Variants in DUXA observed in about 807,000 individuals in gnomAD.
DUXA encodes double homeobox protein A.
A neutral mutation model predicts 27.5 loss-of-function variants in DUXA; 25 were observed. That is an observed-to-expected ratio of 0.91 (90% CI 0.66 to 1.27). The LOEUF (loss-of-function observed/expected upper bound fraction) is 1.27, where lower values mean the gene tolerates loss of function less well. DUXA is among the 50% of genes most tolerant of loss of function. The probability of loss-of-function intolerance (pLI) is 0.00; values close to 1 mark genes in which losing one functional copy is unlikely to be tolerated. For missense variants in DUXA, 247 were observed against 242.9 expected (o/e 1.02, Z -0.11); for synonymous variants, 90 against 80.5 (o/e 1.12, Z -0.63).
chr19:57,163,751 G>A (rs1408497079), intron 1 of DUXA, among the ~76,000 whole-genome samples: 2 of 152,002 alleles, frequency 1.3e-5, no homozygotes, highest in South Asian at 2.1e-4. Context: ...TTGTTTAAAG[G>A]GTAGTTGTCA....
chr19:57,157,665 G>A (rs1829706229), intron 4 of DUXA, among the ~76,000 whole-genome samples: 1 of 151,710 alleles, frequency 6.6e-6, no homozygotes, highest in African/African-American at 2.4e-5. Flanking sequence ...GGCATAATTA[G>A]AAGATCTGAA....
At chr19:57,166,611 ATAATT>A (rs2087056475) in intron 1 of DUXA, among the ~76,000 whole-genome samples, 1 of 152,204 alleles carries the variant, frequency 6.6e-6, no homozygotes, top group African/African-American at 2.4e-5. Flanking sequence ...CCCGGCCGCC[ATAATT>A]TAATTAACAG....
intron 4 of DUXA, among the ~76,000 whole-genome samples, chr19:57,155,646 A>AAGATAGATAGATAGATAGAT (rs35512413): frequency 0.32 from 45,797 of 143,822 alleles, 7,834 homozygotes; most frequent in South Asian, 0.4. Context: ...TGCCCAACCC[A>AAGATAGATAGATAGATAGAT]AGATAGATAG....
chr19:57,158,279 G>A (rs199898898), intron 4 of DUXA, 49 bp downstream of exon 4: 70 of 1,601,048 alleles, frequency 4.4e-5, no homozygotes, highest in Non-Finnish European at 5.9e-5. Context: ...TTCCCTTCCT[G>A]TATACCTAGA....
In DUXA at chr19:57,154,419, G is replaced by A. The variant is rs754871250; in HGVS notation, c.608C>T (p.Thr203Met). 4.3e-6 allele frequency: 7 copies of A among 1,613,512 alleles called. No individual in the cohort carries two copies. The highest frequency in any genetic ancestry group is 2.2e-5 in the East Asian group (1 of 44,844). The change falls in exon 6 of 6, where the codon ACG (threonine) becomes ATG (methionine). Residue 203 changes from threonine (T) to methionine (M), a missense_variant. Transcript: ENST00000554048. Reference protein sequence around the residue: ...TSDSHFSGARTW With the variant: ...TSDSHFSGARMW ...CACTGAATTTGACTGTGTTCACCAC[G>A]TTCTGGCTCCAGAGAAATGAGAGTC...
chr19:57,166,592 G>A (rs192611921), intron 1 of DUXA, among the ~76,000 whole-genome samples: 16 of 152,230 alleles, frequency 1.1e-4, no homozygotes, highest in African/African-American at 3.6e-4. Flanking sequence ...ACAGGCGTGA[G>A]CCACGGCGCC....
At chr19:57,165,719 G>GGCATGAACCCGGGAGGCAGAGCTT (rs1467830799) in intron 1 of DUXA, among the ~76,000 whole-genome samples, 17 of 150,038 alleles carry the variant, frequency 1.1e-4, no homozygotes, top group African/African-American at 4.2e-4. Flanking sequence ...GCAGGAGAAT[G>GGCATGAACCCGGGAGGCAGAGCTT]GCATGAACCC....
chr19:57,165,590 T>G (rs570838738), intron 1 of DUXA, among the ~76,000 whole-genome samples: 46 of 151,178 alleles, frequency 3.0e-4, no homozygotes, highest in South Asian at 2.9e-3. Context: ...CAGATCACGA[T>G]GTCAGGAGAT....
chr19:57,166,204 G>A (rs2087053731), intron 1 of DUXA, among the ~76,000 whole-genome samples: 1 of 152,162 alleles, frequency 6.6e-6, no homozygotes, highest in East Asian at 1.9e-4. Flanking sequence ...AAGCAGACGA[G>A]GTCACAGACC....
intron 5 of DUXA, 144 bp from the exon 6 acceptor site, chr19:57,154,626 C>G (rs112458466): frequency 3.9e-4 from 223 of 575,306 alleles, no homozygotes; most frequent in African/African-American, 3.9e-4. Flanking sequence ...TGCGGTGGCG[C>G]GATCTCGGCT....
chr19:57,165,309 GAAAAAAAAA>G (rs71186231), intron 1 of DUXA, among the ~76,000 whole-genome samples: 16 of 116,414 alleles, frequency 1.4e-4, no homozygotes, highest in Non-Finnish European at 2.1e-4. Flanking sequence ...TCTGGAGTAG[GAAAAAAAAA>G]AAAAAAATAT....
intron 5 of DUXA, 45 bp from the exon 6 acceptor site, chr19:57,154,527 T>G: frequency 6.7e-7 from 1 of 1,485,582 alleles, no homozygotes; most frequent in South Asian, 1.1e-5. Flanking sequence ...GAGATCAGCT[T>G]ATATTCACAA....
At chr19:57,166,301 T>TAATGTATG (rs1555759894) in intron 1 of DUXA, among the ~76,000 whole-genome samples, 42 of 152,074 alleles carry the variant, frequency 2.8e-4, no homozygotes, top group Non-Finnish European at 5.4e-4. Flanking sequence ...ATAATTTAAT[T>TAATGTATG]TATGTATGTA....
intron 3 of DUXA, 35 bp downstream of exon 3, chr19:57,159,132 C>T: frequency 6.4e-7 from 1 of 1,570,362 alleles, no homozygotes; most frequent in Non-Finnish European, 8.7e-7. Flanking sequence ...CGTAGAGAAG[C>T]TCTGCTGGGG....
At chr19:57,160,597 C>T in intron 2 of DUXA, 46 bp downstream of exon 2, 1 of 1,602,914 alleles carries the variant, frequency 6.2e-7, no homozygotes, top group Non-Finnish European at 8.5e-7. Flanking sequence ...GGTTCTCTCT[C>T]CTGCCTTTTT....
intron 4 of DUXA, among the ~76,000 whole-genome samples, chr19:57,155,948 C>T (rs1237699088): frequency 3.3e-5 from 5 of 152,154 alleles, no homozygotes; most frequent in African/African-American, 7.2e-5. Flanking sequence ...GCATTACAGG[C>T]GTGAGCCACC....
chr19:57,158,497 A>AG lies in DUXA; in HGVS notation c.293-25dup, dbSNP rs746244463. ...ACCTAGGGAAGGCATGGAAAGATGG[A>AG]GGGGGGCGGTCAAGGAATATTGCAA... On this transcript the variant is annotated intron_variant, in intron 3 of 5. Coordinates refer to ENST00000554048, the MANE Select transcript of DUXA (RefSeq NM_001012729.2). The AG allele has an allele frequency of 2.6e-5, 42 of 1,607,146 alleles. 2 individuals carry two copies. In the Middle Eastern group the frequency reaches 9.9e-4, roughly 38 times the overall value.
chr19:57,156,304 C>A lies in DUXA; in HGVS notation c.439-932G>T, dbSNP rs182744992. On this transcript the variant is annotated intron_variant, in intron 4 of 5. Transcript: ENST00000554048. The stretch of plus-strand genomic sequence containing the variant: ...CTTCTTTGTGCCCATAGATTATACA[C>A]ATAGGCATGTAAAACTTATGCATAT... Among the ~76,000 whole-genome samples the A allele has an allele frequency of 1.4e-3, 207 of 152,330 alleles. 2 individuals are homozygous for A. The highest frequency in any genetic ancestry group is 4.6e-3 in the African/African-American group (192 of 41,572).
intron 4 of DUXA, among the ~76,000 whole-genome samples, chr19:57,157,843 T>C (rs1394665372): frequency 6.6e-6 from 1 of 151,676 alleles, no homozygotes; most frequent in Non-Finnish European, 1.5e-5. Context: ...ATACAAAAAA[T>C]ATTAGCCAGG....
Sources: allele counts gnomAD v4.1 joint callset (sites outside exome capture counted in the v4.1 genomes callset), GRCh38; gene constraint gnomAD v4.1.1; transcripts MANE v1.5; gene names NCBI Gene and HGNC (gene_info 2026-07-23, HGNC 2026-07-21).